The following ZNF385D variants were observed in gnomAD, a reference collection of about 807,000 sequenced individuals.
The protein encoded by ZNF385D is zinc finger protein 385D, also known as zinc finger protein 659.
ZNF385D carries 15 observed loss-of-function variants against 35.8 expected under a neutral mutation model. The observed-to-expected ratio is 0.42, with a 90% CI of 0.28 to 0.64. ZNF385D has a LOEUF of 0.64. ZNF385D is among the 30% of genes least tolerant of loss of function. ZNF385D has a pLI of 0.23. For synonymous variants in ZNF385D, 212 were observed against 186.8 expected, an observed-to-expected ratio of 1.13 and a Z score of -1.10; for missense variants, 474 against 494.6, an observed-to-expected ratio of 0.96 and a Z score of 0.39.
In ZNF385D at chr3:21,758,570, C is replaced by T. The variant is rs568973808; in HGVS notation, c.326-93542G>A. Among the ~76,000 whole-genome samples, 9 of 152,188 alleles carry T rather than the reference C, an allele frequency of 5.9e-5. No individual in the cohort carries two copies. The South Asian group carries it at 8.3e-4, about 14-fold the overall frequency. On this transcript the variant is annotated intron_variant, in intron 3 of 5. Coordinates refer to the ZNF385D transcript ENST00000494108. ...CTAATATGGGAGCCAAAAAACAGAA[C>T]GTTCAGGCAGAAAGTGATTCAGGGG...
At chr3:21,827,288 TA>T (rs1559664886) in intron 3 of ZNF385D, among the ~76,000 whole-genome samples, 1 of 152,114 alleles carries the variant, frequency 6.6e-6, no homozygotes, top group African/African-American at 2.4e-5. Context: ...GTTTATTTTA[TA>T]TTAATGCATC....
At chr3:21,761,756 T>C (rs1168206870) in intron 3 of ZNF385D, among the ~76,000 whole-genome samples, 1 of 50,894 alleles carries the variant, frequency 2.0e-5, no homozygotes, top group African/African-American at 4.9e-5. Context: ...CTCATTGGAT[T>C]CTTCCTTTTT....
At chr3:22,016,736 T>C (rs1395114574) in intron 3 of ZNF385D, among the ~76,000 whole-genome samples, 3 of 151,816 alleles carry the variant, frequency 2.0e-5, no homozygotes, top group African/African-American at 2.4e-5. Context: ...AAGTCAGCAA[T>C]AGTCCTCTGC....
At chr3:21,784,666 T>C (rs2071617588) in intron 3 of ZNF385D, among the ~76,000 whole-genome samples, 1 of 151,924 alleles carries the variant, frequency 6.6e-6, no homozygotes, top group Admixed American at 6.6e-5. Flanking sequence ...TTTTAAATTG[T>C]ATATATATTT....
chr3:22,016,668 C>G (rs1450995723), intron 3 of ZNF385D, among the ~76,000 whole-genome samples: 1 of 152,000 alleles, frequency 6.6e-6, no homozygotes, highest in Non-Finnish European at 1.5e-5. Flanking sequence ...TCTTAGCTCA[C>G]AGTGGCCTGA....
chr3:21,633,512 A>G (rs566008838), intron 2 of ZNF385D, among the ~76,000 whole-genome samples: 17 of 152,218 alleles, frequency 1.1e-4, no homozygotes, highest in African/African-American at 3.6e-4. Context: ...GTATTCAACT[A>G]TTGCACCTGG....
chr3:22,177,993 A>G (rs2125773498), intron 2 of ZNF385D, among the ~76,000 whole-genome samples: 1 of 152,306 alleles, frequency 6.6e-6, no homozygotes, highest in East Asian at 1.9e-4. Context: ...ATTGTTGGAC[A>G]TTTGGGTTGG....
chr3:21,910,725 G>A (rs539534046), intron 3 of ZNF385D, among the ~76,000 whole-genome samples: 47 of 151,538 alleles, frequency 3.1e-4, no homozygotes, highest in East Asian at 1.7e-3. Context: ...GCCAGGGGAC[G>A]GGGGGCAGAG....
intron 3 of ZNF385D, among the ~76,000 whole-genome samples, chr3:22,057,674 C>T (rs779156): frequency 0.38 from 57,462 of 151,728 alleles, 10,924 homozygotes; most frequent in Middle Eastern, 0.45. Context: ...CCACCACATC[C>T]GGCTAATTTT....
At chr3:21,762,250 C>T (rs1213307182) in intron 3 of ZNF385D, among the ~76,000 whole-genome samples, 1 of 152,052 alleles carries the variant, frequency 6.6e-6, no homozygotes, top group African/African-American at 2.4e-5. Flanking sequence ...TCAGCTGCTC[C>T]GTCCATTCTT....
At chr3:21,743,046 A>G (rs1035795374) in intron 1 of ZNF385D, among the ~76,000 whole-genome samples, 3 of 152,176 alleles carry the variant, frequency 2.0e-5, no homozygotes, top group African/African-American at 7.2e-5. Context: ...ACATTATTAT[A>G]TTATTATTAT....
intron 3 of ZNF385D, among the ~76,000 whole-genome samples, chr3:21,999,905 G>A (rs1485950100): frequency 6.6e-6 from 1 of 152,122 alleles, no homozygotes; most frequent in Non-Finnish European, 1.5e-5. Context: ...TGAAGGCAAA[G>A]AGAAACTATT....
intron 4 of ZNF385D, among the ~76,000 whole-genome samples, chr3:21,471,644 T>C (rs1254327922): frequency 6.6e-6 from 1 of 152,108 alleles, no homozygotes; most frequent in Non-Finnish European, 1.5e-5. Flanking sequence ...TTCTCACCCC[T>C]CGAGTTAAAC....
At chr3:21,909,941 T>A (rs1699880866) in intron 3 of ZNF385D, among the ~76,000 whole-genome samples, 1 of 152,064 alleles carries the variant, frequency 6.6e-6, no homozygotes, top group African/African-American at 2.4e-5. Context: ...ACAAATTGCT[T>A]TTGTAACATT....
intron 3 of ZNF385D, among the ~76,000 whole-genome samples, chr3:22,042,354 T>C (rs2125507184): frequency 6.6e-6 from 1 of 152,274 alleles, no homozygotes; most frequent in Non-Finnish European, 1.5e-5. Flanking sequence ...TAGCCATTAT[T>C]ATTACTATAC....
At chr3:21,958,234 T>C (rs1222949109) in intron 3 of ZNF385D, among the ~76,000 whole-genome samples, 2 of 152,124 alleles carry the variant, frequency 1.3e-5, no homozygotes, top group African/African-American at 4.8e-5. Context: ...AATCATTTTG[T>C]GAGGTGATCA....
At chr3:22,085,325 C>G (rs1034191095) in intron 3 of ZNF385D, among the ~76,000 whole-genome samples, 2 of 151,902 alleles carry the variant, frequency 1.3e-5, no homozygotes, top group Admixed American at 1.3e-4. Flanking sequence ...AAATAGACCT[C>G]TAACAAGACT....
chr3:21,780,988 T>TA (rs1444793033), intron 3 of ZNF385D, among the ~76,000 whole-genome samples: 2 of 152,064 alleles, frequency 1.3e-5, no homozygotes, highest in African/African-American at 2.4e-5. Flanking sequence ...AGCAACTACT[T>TA]AAATCATCAA....
At chr3:22,042,583 T>G (rs1698732013) in intron 3 of ZNF385D, among the ~76,000 whole-genome samples, 1 of 152,078 alleles carries the variant, frequency 6.6e-6, no homozygotes, top group African/African-American at 2.4e-5. Context: ...CAGGTCCAAT[T>G]TTTGGCAAAG....
Sources: allele counts gnomAD v4.1 joint callset (sites outside exome capture counted in the v4.1 genomes callset), GRCh38; gene constraint gnomAD v4.1.1; transcripts MANE v1.5; gene names NCBI Gene and HGNC (gene_info 2026-07-23, HGNC 2026-07-21).